Variants in PCDHA11 observed in about 807,000 individuals in gnomAD.
PCDHA11 encodes the protein protocadherin alpha-11.
A neutral mutation model predicts 70.3 loss-of-function variants in PCDHA11; 61 were observed. The ratio of observed to expected loss-of-function variants is 0.87; its 90% CI spans 0.71 to 1.07. PCDHA11 has a LOEUF of 1.07. PCDHA11 is among the 50% of genes least tolerant of loss of function. The probability of loss-of-function intolerance (pLI) is 0.00; values close to 1 mark genes in which losing one functional copy is unlikely to be tolerated. For synonymous variants in PCDHA11, 633 were observed against 555.1 expected (o/e 1.14, Z -1.97); for missense variants, 1,324 against 1,237.5 (o/e 1.07, Z -1.05).
chr5:140,952,058 T>A (rs889374877), intron 1 of PCDHA11, among the ~76,000 whole-genome samples: 7 of 151,978 alleles, frequency 4.6e-5, no homozygotes, highest in Non-Finnish European at 8.8e-5. Context: ...ATCTTAAAGC[T>A]CCAAATAATC....
chr5:140,931,914 A>G (rs1374173998), intron 1 of PCDHA11, among the ~76,000 whole-genome samples: 2 of 151,960 alleles, frequency 1.3e-5, no homozygotes, highest in Non-Finnish European at 2.9e-5. Context: ...AAAGCATGAC[A>G]TTTAACAATG....
chr5:140,876,020 A>G, intron 1 of PCDHA11: 2 of 1,613,802 alleles, frequency 1.2e-6, no homozygotes, highest in South Asian at 1.1e-5. Flanking sequence ...CTTAAAATAA[A>G]AACAAAAAAA....
intron 1 of PCDHA11, among the ~76,000 whole-genome samples, chr5:140,915,164 G>T (rs782783727): frequency 2.6e-5 from 4 of 152,026 alleles, no homozygotes; most frequent in Non-Finnish European, 4.4e-5. Flanking sequence ...GGCCAGGATA[G>T]TCTCGATCTC....
intron 1 of PCDHA11, among the ~76,000 whole-genome samples, chr5:140,910,102 A>G (rs1206018595): frequency 2.6e-5 from 4 of 152,184 alleles, no homozygotes; most frequent in African/African-American, 9.7e-5. Context: ...CCTCCCCTTC[A>G]TTTAAGGGAT....
rs1475862780 is a variant in PCDHA11 at position 140,982,724 on chromosome 5, G to T, written c.2539+161G>T. On this transcript the variant is annotated intron_variant, in intron 3 of 3. Transcript: ENST00000398640. Reference sequence around the variant, plus strand: ...ATTTCCTTACATATATGATTATTTTGATTTTATACCTAATGCTCTTCAGGA... The same window carrying T: ...ATTTCCTTACATATATGATTATTTTTATTTTATACCTAATGCTCTTCAGGA... 5.5e-6 allele frequency: 5 copies of T among 906,286 alleles called. No homozygotes were observed. The African/African-American group carries it at 9.0e-5, about 16-fold the overall frequency. The allele number at this position is 906,286 out of a possible 1,614,324, so 56.1% of individuals were successfully genotyped here.
At chr5:140,948,106 T>A (rs1383733772) in intron 1 of PCDHA11, among the ~76,000 whole-genome samples, 1 of 151,652 alleles carries the variant, frequency 6.6e-6, no homozygotes, top group Non-Finnish European at 1.5e-5. Context: ...TGATTTTTCT[T>A]CGTTTTACTA....
At position 140,870,613 on chromosome 5, in the gene PCDHA11, T is replaced by C. The variant is rs1562647895; in HGVS notation, c.1510T>C (p.Ser504Pro). The C allele has an allele frequency of 1.2e-6, 2 of 1,613,078 alleles. No individual in the cohort carries two copies. The highest frequency in any genetic ancestry group is 1.7e-6 in the Non-Finnish European group (2 of 1,179,830). Residue 504 changes from serine (S) to proline (P), a missense_variant, in exon 1 of 4, where the codon TCG becomes CCG. By Grantham distance (74) the Ser-to-Pro change is moderately conservative (BLOSUM62 -1). Transcript: ENST00000398640. Reference protein sequence around the residue: ...VERRLGDRALSSYVSVHAESG... With the variant: ...VERRLGDRALPSYVSVHAESG... ...GCGGCGGTTGGGCGACCGCGCGCTG[T>C]CGAGCTACGTGTCGGTGCACGCGGA...
intron 1 of PCDHA11, chr5:140,883,601 G>T: frequency 1.2e-6 from 2 of 1,614,022 alleles, no homozygotes; most frequent in Non-Finnish European, 1.7e-6. Flanking sequence ...GTCGGTGGGG[G>T]TGGCCGACGT....
rs782439866 is a variant in PCDHA11, at chr5:140,871,196, A to G, written c.2093A>G (p.Tyr698Cys). Reference protein sequence around the residue: ...PEAALVDVNVYLIIAICVVSS... With the variant: ...PEAALVDVNVCLIIAICVVSS... ...GCTGCGCTGGTGGATGTCAACGTGT[A>G]CCTGATCATCGCCATCTGCGTGGTG... Residue 698 changes from tyrosine to cysteine, a missense_variant, in exon 1 of 4, where the codon TAC becomes TGC. Tyr to Cys is a radical substitution (Grantham distance 194, BLOSUM62 -2). Coordinates refer to ENST00000398640, the MANE Select transcript of PCDHA11 (RefSeq NM_018902.5). 19 of 1,613,546 alleles carry G rather than the reference A, an allele frequency of 1.2e-5. No homozygotes were observed. Among genetic ancestry groups the G allele is most frequent in the Non-Finnish European group, 1.6e-5 (19 of 1,179,946 alleles).
intron 2 of PCDHA11, among the ~76,000 whole-genome samples, chr5:140,979,425 A>G (rs1009935948): frequency 2.0e-5 from 3 of 151,814 alleles, no homozygotes; most frequent in African/African-American, 7.3e-5. Context: ...TTTTAATCTC[A>G]CATTGGCTAT....
chr5:140,938,180 A>G (rs913967767), intron 1 of PCDHA11, among the ~76,000 whole-genome samples: 2 of 152,166 alleles, frequency 1.3e-5, no homozygotes, highest in Non-Finnish European at 2.9e-5. Flanking sequence ...TCCTGGGCTC[A>G]AGCAATCCTC....
rs571034520 is a variant in PCDHA11 at position 140,922,140 on chromosome 5, A to G, written c.2391+50646A>G. ...CACCTTTAAATGTCTCTTATCCTCC[A>G]TGAAACTCATCAAAAACAACAAAAA... On this transcript the variant is annotated intron_variant, in intron 1 of 3. Coordinates refer to ENST00000398640, the MANE Select transcript of PCDHA11 (RefSeq NM_018902.5). Among the ~76,000 whole-genome samples the G allele has an allele frequency of 6.6e-5, 10 of 152,202 alleles. No individual in the cohort carries two copies. The East Asian group carries it at 1.9e-3, about 29-fold the overall frequency.
At chr5:140,999,138 C>T (rs530740266) in intron 3 of PCDHA11, among the ~76,000 whole-genome samples, 1 of 152,140 alleles carries the variant, frequency 6.6e-6, no homozygotes, top group Non-Finnish European at 1.5e-5. Flanking sequence ...AATGTCACAG[C>T]CGGAAGTCTT....
At chr5:140,934,563 T>A (rs1017456946) in intron 1 of PCDHA11, among the ~76,000 whole-genome samples, 1 of 152,212 alleles carries the variant, frequency 6.6e-6, no homozygotes, top group African/African-American at 2.4e-5. Flanking sequence ...TTCTTTTTTT[T>A]AATTAATTGT....
At chr5:140,983,092 T>C (rs782172308) in intron 3 of PCDHA11, among the ~76,000 whole-genome samples, 4 of 152,178 alleles carry the variant, frequency 2.6e-5, no homozygotes, top group Non-Finnish European at 5.9e-5. Flanking sequence ...TCAAAGTCAA[T>C]CTGCTTCTCT....
At chr5:140,874,202 T>C (rs11741879) in intron 1 of PCDHA11, among the ~76,000 whole-genome samples, 12,321 of 152,316 alleles carry the variant, frequency 0.081, 541 homozygotes, top group Middle Eastern at 0.13. Context: ...TTCAGTTGCC[T>C]TTATTATTAT....
At chr5:140,875,844 G>A in intron 1 of PCDHA11, 1 of 1,614,178 alleles carries the variant, frequency 6.2e-7, no homozygotes, top group Non-Finnish European at 8.5e-7. Flanking sequence ...TGGAGGTGAA[G>A]GACATTAACG....
rs185756096 is a variant in PCDHA11, at chr5:140,914,471, T to C, written c.2391+42977T>C. On this transcript the variant is annotated intron_variant, in intron 1 of 3. Coordinates refer to ENST00000398640, the MANE Select transcript of PCDHA11 (RefSeq NM_018902.5). The stretch of plus-strand genomic sequence containing the variant: ...ATTTTCCAGTCTATGTGTATCTTCA[T>C]AGGTGAAGTGTTTCTTGTGGGCAAC... Among the ~76,000 whole-genome samples the C allele has an allele frequency of 2.9e-3, 442 of 152,310 alleles. 1 individual carries two copies. Among genetic ancestry groups the C allele is most frequent in the African/African-American group, 0.01 (423 of 41,574 alleles).
At chr5:140,877,136 T>C (rs782812769) in intron 1 of PCDHA11, 2 of 1,613,760 alleles carry the variant, frequency 1.2e-6, no homozygotes, top group Non-Finnish European at 1.7e-6. Context: ...CAGGTGTTCG[T>C]GCTGGACGAG....
Sources: allele counts gnomAD v4.1 joint callset (sites outside exome capture counted in the v4.1 genomes callset), GRCh38; gene constraint gnomAD v4.1.1; transcripts MANE v1.5; gene names NCBI Gene and HGNC (gene_info 2026-07-23, HGNC 2026-07-21).